COL8A2: variants seen among roughly 807,000 people sequenced by gnomAD.
The protein encoded by COL8A2 is collagen type VIII alpha 2 chain.
A neutral mutation model predicts 24.0 loss-of-function variants in COL8A2; 16 were observed. The ratio of observed to expected loss-of-function variants is 0.67; its 90% CI spans 0.45 to 1.01. COL8A2 has a LOEUF of 1.01. COL8A2 is among the 50% of genes least tolerant of loss of function. COL8A2 has a pLI of 0.00. For synonymous variants in COL8A2, 466 were observed against 424.5 expected (o/e 1.10, Z -1.20); for missense variants, 818 against 942.4 (o/e 0.87, Z 1.73).
intron 1 of COL8A2, among the ~76,000 whole-genome samples, chr1:36,120,305 T>G (rs897528413): frequency 1.3e-5 from 2 of 151,530 alleles, no homozygotes; most frequent in African/African-American, 4.9e-5. Context: ...AATACAAAAA[T>G]TAGCAGAAGT....
intron 1 of COL8A2, among the ~76,000 whole-genome samples, chr1:36,119,206 C>T (rs1643893327): frequency 6.6e-6 from 1 of 152,180 alleles, no homozygotes. Context: ...CTTCACAGAG[C>T]ATTTGTGAGG....
chr1:36,120,403 A>G (rs990292216), intron 1 of COL8A2, among the ~76,000 whole-genome samples: 2 of 152,144 alleles, frequency 1.3e-5, no homozygotes, highest in Non-Finnish European at 2.9e-5. Flanking sequence ...CAGTGAGCCA[A>G]GATTGCACCA....
chr1:36,099,886 C>A lies in COL8A2; in HGVS notation c.193+164G>T, dbSNP rs534576105. On this transcript the variant is annotated intron_variant, in intron 3 of 3. Coordinates refer to ENST00000397799, the MANE Select transcript of COL8A2 (RefSeq NM_005202.4). ...GACCACCTGTGCCAGCTAACTGCACCGTTTCCAGGCCCTCTGGGGTATTAG... is the reference window on the plus strand; with the variant it reads ...GACCACCTGTGCCAGCTAACTGCACAGTTTCCAGGCCCTCTGGGGTATTAG... Among the ~76,000 whole-genome samples, 3 of 152,302 alleles carry A rather than the reference C, an allele frequency of 2.0e-5. No homozygotes were observed. In the East Asian group the frequency reaches 5.8e-4, roughly 29 times the overall value.
chr1:36,099,413 G>C lies in COL8A2; in HGVS notation c.268C>G (p.Pro90Ala). The C allele has an allele frequency of 6.4e-7, 1 of 1,553,568 alleles. No individual in the cohort carries two copies. The highest frequency in any genetic ancestry group is 8.7e-7 in the Non-Finnish European group (1 of 1,153,278). ...CCTGGGAAGCCAGGGGGGCCAGGGG[G>C]ACCCCGAGGCCCGGGCTTCCCAGGG... Reference protein sequence around the residue: ...GPPGKPGPRGPPGPPGFPGKP... With the variant: ...GPPGKPGPRGAPGPPGFPGKP... The change falls in exon 4 of 4, where the codon CCC (proline) becomes GCC (alanine). Residue 90 changes from proline to alanine, a missense_variant. By Grantham distance (27) the Pro-to-Ala change is conservative. This residue lies in a region of COL8A2 where 573 missense variants were observed against 616.8 expected (regional missense o/e 0.93). Transcript: ENST00000397799.
chr1:36,097,571 A>G lies in COL8A2; in HGVS notation c.2110T>C (p.Ter704GlnextTer14). 6.2e-7 allele frequency: 1 copy of G among 1,603,040 alleles called. No homozygotes were observed. Among genetic ancestry groups the G allele is most frequent in the Non-Finnish European group, 8.5e-7 (1 of 1,172,484 alleles). Residue 704 changes from the stop codon to glutamine, a stop_lost, in exon 4 of 4, where the codon TAA (stop) becomes CAA (glutamine). Coordinates refer to ENST00000397799, the MANE Select transcript of COL8A2 (RefSeq NM_005202.4). ...SFSGFLLCPT[*>Q] ...GGCAGCAGGACCCCCCCCGCGGGTT[A>G]TGTGGGGCAGAGCAAGAATCCTGAA... is the stretch of plus-strand genomic sequence containing the variant.
At position 36,123,324 on chromosome 1, in the gene COL8A2, C is replaced by T. The variant is rs1245577784; in HGVS notation, c.-62+1733G>A. The stretch of plus-strand genomic sequence containing the variant: ...GCAGGGCAAGGAAGCTGGGGCTGTG[C>T]GTCCTTTGTTCCGGCTCAGGCAGGA... On this transcript the variant is annotated intron_variant, in intron 1 of 3. Coordinates refer to ENST00000397799, the MANE Select transcript of COL8A2 (RefSeq NM_005202.4). The surrounding 1 kb of genome is among the most constrained non-coding windows in gnomAD (Gnocchi z 4.1). Among the ~76,000 whole-genome samples, 2 of 152,250 alleles carry T rather than the reference C, an allele frequency of 1.3e-5. No individual in the cohort carries two copies. Among genetic ancestry groups the T allele is most frequent in the Non-Finnish European group, 2.9e-5 (2 of 68,044 alleles).
In COL8A2 at chr1:36,096,746, C is replaced by G. The variant is rs1643571543; in HGVS notation, c.*823G>C. ...CCGCCACCATCTGCACTAGATACTTCTAGACACTTCACAGAGGTTGATCTT... is the reference window on the plus strand; with the variant it reads ...CCGCCACCATCTGCACTAGATACTTGTAGACACTTCACAGAGGTTGATCTT... On this transcript the variant is annotated 3_prime_UTR_variant, in exon 4 of 4. Coordinates refer to ENST00000397799, the MANE Select transcript of COL8A2 (RefSeq NM_005202.4). 3 of 152,314 alleles carry G rather than the reference C, an allele frequency of 2.0e-5. No individual in the cohort carries two copies. Among genetic ancestry groups the G allele is most frequent in the Non-Finnish European group, 1.5e-5 (1 of 68,104 alleles). The allele number at this position is 152,314 out of a possible 1,614,324, so 9.4% of individuals were successfully genotyped here.
Position 36,097,782 on chromosome 1 carries a change from C to T in COL8A2, c.1899G>A (p.Val633=). The T allele has an allele frequency of 6.2e-7, 1 of 1,613,852 alleles. No individual in the cohort carries two copies. Among genetic ancestry groups the T allele is most frequent in the Non-Finnish European group, 8.5e-7 (1 of 1,180,038 alleles). ...CGTTGTTCTTGTACAGGGCCACCCA[C>T]ACGTTGGTGCCCTTGACGTGCACAT... ...AYHVHVKGTN[V]WVALYKNNVP... is the part of the protein sequence containing the mutation. Residue 633 remains valine (V), a synonymous_variant, in exon 4 of 4, where the codon GTG becomes GTA. Coordinates refer to ENST00000397799, the MANE Select transcript of COL8A2 (RefSeq NM_005202.4).
intron 2 of COL8A2, among the ~76,000 whole-genome samples, chr1:36,105,435 G>C (rs950372801): frequency 3.9e-5 from 6 of 152,204 alleles, no homozygotes; most frequent in Admixed American, 6.5e-5. Context: ...AGCTCCAACT[G>C]TAAGAGTCTA....
intron 1 of COL8A2, among the ~76,000 whole-genome samples, chr1:36,117,091 G>T (rs1168542087): frequency 1.3e-5 from 2 of 152,244 alleles, no homozygotes; most frequent in Non-Finnish European, 2.9e-5. Context: ...CCAGCTGCTT[G>T]CTTGCCTCTG....
intron 2 of COL8A2, among the ~76,000 whole-genome samples, chr1:36,106,046 G>A (rs1256112194): frequency 4.6e-5 from 7 of 151,576 alleles, no homozygotes; most frequent in East Asian, 1.9e-4. Flanking sequence ...CGAGGCAGGC[G>A]GATCACCTGA....
intron 2 of COL8A2, among the ~76,000 whole-genome samples, chr1:36,111,536 G>A (rs894389250): frequency 2.1e-5 from 3 of 139,664 alleles, no homozygotes; most frequent in East Asian, 2.1e-4. Flanking sequence ...CTCCAACTAC[G>A]ATGTCTCCCC....
At chr1:36,116,507 A>G (rs1643880412) in intron 1 of COL8A2, among the ~76,000 whole-genome samples, 1 of 152,210 alleles carries the variant, frequency 6.6e-6, no homozygotes, top group Non-Finnish European at 1.5e-5. Flanking sequence ...GAAATGGTTC[A>G]ACCCCATACC....
At chr1:36,120,646 G>T (rs548399051) in intron 1 of COL8A2, among the ~76,000 whole-genome samples, 2 of 151,982 alleles carry the variant, frequency 1.3e-5, no homozygotes, top group East Asian at 3.9e-4. Flanking sequence ...TACTCAGGAG[G>T]CTGAGGCAAG....
chr1:36,099,318 C>A lies in COL8A2; in HGVS notation c.363G>T (p.Arg121=). The A allele has an allele frequency of 6.3e-7, 1 of 1,581,062 alleles. No individual in the cohort carries two copies. The highest frequency in any genetic ancestry group is 8.6e-7 in the Non-Finnish European group (1 of 1,165,578). Reference sequence around the variant, plus strand: ...GCCCTGGGGGACCAGCCTTGCCCATCCGGGAGAAGCCAGGGGGCCCAGCAG... The same window carrying A: ...GCCCTGGGGGACCAGCCTTGCCCATACGGGAGAAGCCAGGGGGCCCAGCAG... The part of the protein sequence containing the change: ...PGPAGPPGFS[R]MGKAGPPGLP... Residue 121 remains arginine (R), a synonymous_variant, in exon 4 of 4, where the codon CGG becomes CGT. Coordinates refer to ENST00000397799, the MANE Select transcript of COL8A2 (RefSeq NM_005202.4).
At chr1:36,113,938 G>A (rs1037862420) in intron 2 of COL8A2, among the ~76,000 whole-genome samples, 5 of 152,180 alleles carry the variant, frequency 3.3e-5, no homozygotes, top group African/African-American at 1.2e-4. Flanking sequence ...GACTGGATGA[G>A]GAAGGCTTCC....
rs566872700 is a variant in COL8A2 at position 36,123,908 on chromosome 1, C to T, written c.-62+1149G>A. 1.9e-4 allele frequency among the ~76,000 whole-genome samples: 29 copies of T among 152,242 alleles called. No individual in the cohort carries two copies. The highest frequency in any genetic ancestry group is 4.1e-4 in the African/African-American group (17 of 41,540). Reference sequence around the variant, plus strand: ...GGAGACCACCAACCATGGTGTCTCTCCAGAGATCACCAACTCCTGCCCTGC... The same window carrying T: ...GGAGACCACCAACCATGGTGTCTCTTCAGAGATCACCAACTCCTGCCCTGC... On this transcript the variant is annotated intron_variant, in intron 1 of 3. Transcript: ENST00000397799. The surrounding 1 kb of genome is among the most constrained non-coding windows in gnomAD (Gnocchi z 4.1).
At position 36,107,978 on chromosome 1, in the gene COL8A2, T is replaced by C. The variant is rs556875231; in HGVS notation, c.-16-7720A>G. Among the ~76,000 whole-genome samples the C allele has an allele frequency of 6.6e-5, 10 of 152,282 alleles. No individual in the cohort carries two copies. In the East Asian group the frequency reaches 1.9e-3, roughly 29 times the overall value. The stretch of plus-strand genomic sequence containing the variant: ...TTCCCCCCGTAGCTCTCCACCTCTT[T>C]CCACCACGCTCCCCCACTCTGCCCT... On this transcript the variant is annotated intron_variant, in intron 2 of 3. Transcript: ENST00000397799.
chr1:36,115,283 C>A lies in COL8A2; in HGVS notation c.-17+425G>T, dbSNP rs1037905717. 6.6e-6 allele frequency among the ~76,000 whole-genome samples: 1 copy of A among 152,218 alleles called. No individual in the cohort carries two copies. Among genetic ancestry groups the A allele is most frequent in the Non-Finnish European group, 1.5e-5 (1 of 68,036 alleles). ...CTCACCTTCTGGTTCGCATTTGCAGCCTTTTCCGGAGCGCCACCCGCCACC... is the reference window on the plus strand; with the variant it reads ...CTCACCTTCTGGTTCGCATTTGCAGACTTTTCCGGAGCGCCACCCGCCACC... On this transcript the variant is annotated intron_variant, in intron 2 of 3. Coordinates refer to ENST00000397799, the MANE Select transcript of COL8A2 (RefSeq NM_005202.4). This position sits in a 1 kb window ranked among gnomAD's most constrained non-coding sequence, Gnocchi z 5.7.
Sources: allele counts gnomAD v4.1 joint callset (sites outside exome capture counted in the v4.1 genomes callset), GRCh38; gene constraint gnomAD v4.1.1; regional missense constraint gnomAD v4.1.1; non-coding constraint Gnocchi (gnomAD v3.1); transcripts MANE v1.5; gene names NCBI Gene and HGNC (gene_info 2026-07-23, HGNC 2026-07-21).